Variants in HAUS4 observed in about 807,000 individuals in gnomAD.
HAUS4 encodes the protein HAUS augmin-like complex subunit 4.
A neutral mutation model predicts 50.6 loss-of-function variants in HAUS4; 34 were observed. The ratio of observed to expected loss-of-function variants is 0.67; its 90% CI spans 0.51 to 0.90. The LOEUF is 0.90. Among genes scored for constraint, HAUS4 ranks in the 40% least tolerant of loss-of-function variants. The probability of loss-of-function intolerance (pLI) is 0.00; values close to 1 mark genes in which losing one functional copy is unlikely to be tolerated. For missense variants in HAUS4, 370 were observed against 428.7 expected (o/e 0.86, Z 1.21); for synonymous variants, 149 against 161.4 (o/e 0.92, Z 0.58).
chr14:22,947,124 T>G, intron 9 of HAUS4, 47 bp downstream of exon 9: 10 of 1,216,846 alleles, frequency 8.2e-6, no homozygotes, highest in Non-Finnish European at 1.1e-5. Context: ...TTAGGGAATG[T>G]GAGAACCACC....
chr14:22,952,816 A>AT (rs970084429), intron 2 of HAUS4, 133 bp from the exon 3 acceptor site: 14 of 671,918 alleles, frequency 2.1e-5, no homozygotes, highest in East Asian at 1.1e-4. Context: ...ATCTAATGAG[A>AT]TTTTTTAAAA....
chr14:22,949,816 TAA>T (rs1002752997), intron 6 of HAUS4, among the ~76,000 whole-genome samples: 3 of 152,026 alleles, frequency 2.0e-5, no homozygotes, highest in African/African-American at 4.8e-5. Flanking sequence ...TCTTGCTGAA[TAA>T]AAAGAGTCCT....
At position 22,946,528 on chromosome 14, in the gene HAUS4, A is replaced by G. The variant is rs1202376532; in HGVS notation, c.1089T>C (p.Arg363=). 3 of 1,612,368 alleles carry G rather than the reference A, an allele frequency of 1.9e-6. No homozygotes were observed. The highest frequency in any genetic ancestry group is 3.3e-5 in the Admixed American group (2 of 59,890). The part of the protein sequence containing the change: ...WALQEFSKVY[R] ...TGTCTCCTGGCCCTGCCAGAGCTCA[A>G]CGGTAGACCTTGCTGAACTCCTGGA... Residue 363 remains arginine (R), a synonymous_variant, in exon 10 of 10, where the codon CGT becomes CGC. Coordinates refer to ENST00000541587, the MANE Select transcript of HAUS4 (RefSeq NM_001166269.2).
At chr14:22,952,509 CTT>C in intron 3 of HAUS4, 30 bp downstream of exon 3, 4 of 1,613,056 alleles carry the variant, frequency 2.5e-6, no homozygotes, top group Non-Finnish European at 3.4e-6. Flanking sequence ...AGGATTTTCC[CTT>C]CTTCTTATCT....
At position 22,946,241 on chromosome 14, in the gene HAUS4, C is replaced by A. The variant is rs897111855; in HGVS notation, c.*284G>T. 1.2e-5 allele frequency: 3 copies of A among 259,604 alleles called. No individual in the cohort carries two copies. Among genetic ancestry groups the A allele is most frequent in the African/African-American group, 2.2e-5 (1 of 45,292 alleles). 16.1% of individuals were successfully genotyped at this position (259,604 alleles called of 1,614,324 possible). On this transcript the variant is annotated 3_prime_UTR_variant, in exon 10 of 10. Transcript: ENST00000541587. ...TGACTAAAATCCTAAGATATAATAT[C>A]ATAACTTTATTCAGGAGATAATCAA... is the stretch of plus-strand genomic sequence containing the variant.
intron 1 of HAUS4, among the ~76,000 whole-genome samples, chr14:22,956,495 C>T (rs766796281): frequency 4.0e-5 from 6 of 151,734 alleles, no homozygotes; most frequent in Admixed American, 1.3e-4. Context: ...TTCGTCCCCC[C>T]CTAGGGTAAG....
Position 22,950,412 on chromosome 14 carries a change from TAC to T in HAUS4, c.466-4_466-3del, listed in dbSNP as rs757305099. On this transcript the variant is annotated splice_polypyrimidine_tract_variant and splice_region_variant and intron_variant, in intron 5 of 9. Coordinates refer to ENST00000541587, the MANE Select transcript of HAUS4 (RefSeq NM_001166269.2). ...CCGAGCCCTCATCCACACAAAATCCTACAGTCATAGAAGTAAAGGCAGAAATG... is the reference window on the plus strand; with the variant it reads ...CCGAGCCCTCATCCACACAAAATCCTAGTCATAGAAGTAAAGGCAGAAATG... The T allele has an allele frequency of 5.0e-6, 8 of 1,596,252 alleles. 1 individual carries two copies. The East Asian group carries it at 6.7e-5, about 13-fold the overall frequency.
At chr14:22,952,255 T>C (rs866297298) in intron 4 of HAUS4, 73 bp downstream of exon 4, 5 of 1,245,998 alleles carry the variant, frequency 4.0e-6, no homozygotes, top group Non-Finnish European at 5.8e-6. Context: ...TGACCTCAAG[T>C]GATCAGCCTG....
At chr14:22,952,244 T>C (rs2044767651) in intron 4 of HAUS4, 84 bp downstream of exon 4, 1 of 1,126,646 alleles carries the variant, frequency 8.9e-7, no homozygotes, top group East Asian at 2.4e-5. Flanking sequence ...TCTCAAACTC[T>C]TGACCTCAAG....
chr14:22,956,687 AC>A (rs2044872393), intron 1 of HAUS4: 1 of 152,382 alleles, frequency 6.6e-6, no homozygotes, highest in African/African-American at 2.4e-5. Flanking sequence ...CTGTCTTTAC[AC>A]GCTGCACTGA....
At chr14:22,949,636 G>A (rs572329799) in intron 6 of HAUS4, among the ~76,000 whole-genome samples, 13 of 151,232 alleles carry the variant, frequency 8.6e-5, no homozygotes, top group East Asian at 1.9e-4. Context: ...TGAATACTAC[G>A]TCTAGAAACA....
Position 22,955,864 on chromosome 14 carries a change from G to A in HAUS4, c.-22-688C>T, listed in dbSNP as rs1251231390. On this transcript the variant is annotated intron_variant, in intron 1 of 9. Coordinates refer to ENST00000541587, the MANE Select transcript of HAUS4 (RefSeq NM_001166269.2). ...TGGCTACAACGAGAACGTGAGCTGT[G>A]GGTGTTTTGCCAGAACATGGAGTGC... 2.0e-5 allele frequency among the ~76,000 whole-genome samples: 3 copies of A among 152,062 alleles called. No individual in the cohort carries two copies. In the East Asian group the frequency reaches 5.8e-4, roughly 29 times the overall value.
chr14:22,956,220 G>A (rs1261572593), intron 1 of HAUS4, among the ~76,000 whole-genome samples: 1 of 152,164 alleles, frequency 6.6e-6, no homozygotes, highest in Non-Finnish European at 1.5e-5. Context: ...CAGCTCGGCC[G>A]GCCGTTGCTT....
intron 2 of HAUS4, among the ~76,000 whole-genome samples, chr14:22,953,010 T>C (rs903510426): frequency 1.3e-5 from 2 of 152,204 alleles, no homozygotes; most frequent in African/African-American, 4.8e-5. Context: ...AAATGCCTCA[T>C]TCATCCAAAA....
intron 6 of HAUS4, among the ~76,000 whole-genome samples, chr14:22,948,923 G>A (rs556232532): frequency 7.9e-5 from 12 of 152,116 alleles, no homozygotes; most frequent in South Asian, 4.1e-4. Flanking sequence ...GGGAGGCCAA[G>A]GCGGGCAGAT....
In HAUS4 at chr14:22,946,529, C is replaced by A. The variant is rs201911072; in HGVS notation, c.1088G>T (p.Arg363Leu). 9.9e-6 allele frequency: 16 copies of A among 1,612,364 alleles called. No individual in the cohort carries two copies. The highest frequency in any genetic ancestry group is 1.4e-5 in the Non-Finnish European group (16 of 1,178,924). ...GTCTCCTGGCCCTGCCAGAGCTCAA[C>A]GGTAGACCTTGCTGAACTCCTGGAG... Reference protein sequence around the residue: ...WALQEFSKVYR With the variant: ...WALQEFSKVYL The change falls in exon 10 of 10, where the codon CGT becomes CTT. Residue 363 changes from arginine (R) to leucine (L), a missense_variant. Coordinates refer to ENST00000541587, the MANE Select transcript of HAUS4 (RefSeq NM_001166269.2).
At chr14:22,955,256 T>C in intron 1 of HAUS4, 80 bp from the exon 2 acceptor site, 2 of 882,390 alleles carry the variant, frequency 2.3e-6, no homozygotes, top group South Asian at 2.6e-5. Context: ...TATGTTCAAA[T>C]TTCTGCTGTC....
intron 6 of HAUS4, 159 bp from the exon 7 acceptor site, chr14:22,948,172 A>G (rs2044679218): frequency 1.3e-6 from 1 of 751,470 alleles, no homozygotes; most frequent in Non-Finnish European, 2.1e-6. Context: ...TTCTGGGCTG[A>G]GCATGGTGGC....
chr14:22,953,351 G>T (rs925920933), intron 2 of HAUS4, among the ~76,000 whole-genome samples: 1 of 152,084 alleles, frequency 6.6e-6, no homozygotes. Flanking sequence ...TGCCCAGGCT[G>T]GTCTTGAACT....
Sources: gnomAD v4.1 joint callset for allele counts (sites outside exome capture counted in the v4.1 genomes callset) on GRCh38, gnomAD v4.1.1 for gene constraint, MANE v1.5 for transcripts, NCBI Gene and HGNC (gene_info 2026-07-23, HGNC 2026-07-21) for gene names.